ANAPC5: variants seen among roughly 807,000 people sequenced by gnomAD.
ANAPC5 encodes the protein anaphase promoting complex subunit 5.
A neutral mutation model predicts 91.3 loss-of-function variants in ANAPC5; 60 were observed. The observed-to-expected ratio is 0.66, with a 90% CI of 0.53 to 0.81. ANAPC5 has a LOEUF of 0.81. Ranked by LOEUF, ANAPC5 falls within the 40% of genes least tolerant of loss-of-function variation. The pLI, the probability that ANAPC5 is intolerant of heterozygous loss-of-function variation, is 0.00. For synonymous variants in ANAPC5, 340 were observed against 364.1 expected (o/e 0.93, Z 0.75); for missense variants, 690 against 931.5 (o/e 0.74, Z 3.37).
chr12:121,321,236 C>T (rs1902592470), intron 11 of ANAPC5: 1 of 145,422 alleles, frequency 6.9e-6, no homozygotes, highest in Non-Finnish European at 1.5e-5. Flanking sequence ...GCAACAAGAA[C>T]AAAATTCCGT....
chr12:121,309,724 TAGGA>T lies in ANAPC5; in HGVS notation c.2029_2032del (p.Ser677ThrfsTer74). 1 of 1,613,998 alleles carries T rather than the reference TAGGA, an allele frequency of 6.2e-7. No individual in the cohort carries two copies. The highest frequency in any genetic ancestry group is 8.5e-7 in the Non-Finnish European group (1 of 1,179,936). On this transcript the variant is annotated frameshift_variant, in exon 16 of 17. Transcript: ENST00000261819. LOFTEE classifies it high-confidence loss of function. ...ACCTTCTGCTTTCTTCGGCTGATCG[TAGGA>T]AGCTGCTGAAGCCACCTGGCACTTG...
At chr12:121,351,338 AC>A (rs1903884524) in intron 1 of ANAPC5, 1 of 244,940 alleles carries the variant, frequency 4.1e-6, no homozygotes, top group African/African-American at 2.4e-5. Flanking sequence ...ACACTACTGC[AC>A]TCCAGCCTGG....
chr12:121,320,313 G>T, intron 12 of ANAPC5, 72 bp downstream of exon 12: 1 of 1,433,772 alleles, frequency 7.0e-7, no homozygotes, highest in Non-Finnish European at 9.7e-7. Flanking sequence ...GGGAGATTAT[G>T]TCCCACTTTA....
At chr12:121,327,013 C>T (rs541313636) in intron 11 of ANAPC5, 83 bp downstream of exon 11, 2 of 1,487,096 alleles carry the variant, frequency 1.3e-6, no homozygotes, top group Admixed American at 4.5e-5. Flanking sequence ...AACACGTGTC[C>T]AGTGCTTTCC....
chr12:121,347,541 A>C, intron 2 of ANAPC5: 1 of 409,810 alleles, frequency 2.4e-6, no homozygotes. Context: ...TGAGGTGGGA[A>C]GATCACCTGA....
At chr12:121,326,606 A>T (rs1245880685) in intron 11 of ANAPC5, 4 of 152,258 alleles carry the variant, frequency 2.6e-5, no homozygotes, top group African/African-American at 9.7e-5. Context: ...CAGGTGTTGG[A>T]TACAGGATTT....
chr12:121,310,564 A>G (rs542109553), intron 15 of ANAPC5, among the ~76,000 whole-genome samples: 3 of 152,104 alleles, frequency 2.0e-5, no homozygotes, highest in South Asian at 4.2e-4. Context: ...CTTTGTCTCA[A>G]AATAAAACTA....
At chr12:121,329,812 A>G (rs1555272696) in intron 9 of ANAPC5, among the ~76,000 whole-genome samples, 1 of 151,728 alleles carries the variant, frequency 6.6e-6, no homozygotes, top group Non-Finnish European at 1.5e-5. Context: ...AGAGGGTTTC[A>G]CCATGTTGGC....
intron 15 of ANAPC5, 31 bp from the exon 16 acceptor site, chr12:121,309,894 ACC>A: frequency 6.4e-7 from 1 of 1,557,744 alleles, no homozygotes; most frequent in Non-Finnish European, 8.7e-7. Flanking sequence ...CACTGTACAT[ACC>A]CAAACCCACT....
chr12:121,320,600 CT>C, intron 11 of ANAPC5, 141 bp from the exon 12 acceptor site: 1 of 570,636 alleles, frequency 1.8e-6, no homozygotes, highest in Non-Finnish European at 3.0e-6. Flanking sequence ...ACTCAAATTT[CT>C]TTTCTTTCTT....
chr12:121,321,567 T>G (rs1235030650), intron 11 of ANAPC5, among the ~76,000 whole-genome samples: 1 of 148,040 alleles, frequency 6.8e-6, no homozygotes, highest in Admixed American at 6.7e-5. Flanking sequence ...AGTCTTGCTC[T>G]GTCACCCAGG....
chr12:121,335,794 T>G, intron 6 of ANAPC5, 71 bp from the exon 7 acceptor site: 1 of 1,313,622 alleles, frequency 7.6e-7, no homozygotes, highest in Non-Finnish European at 1.1e-6. Context: ...TGCAGAGAGT[T>G]CCACTGTCTA....
chr12:121,330,867 G>A, intron 8 of ANAPC5, 195 bp from the exon 9 acceptor site: 1 of 517,494 alleles, frequency 1.9e-6, no homozygotes, highest in Non-Finnish European at 3.4e-6. Context: ...TGAAATAAAT[G>A]AGTCATTGTT....
chr12:121,353,863 G>A (rs1310833584), upstream of ANAPC5, among the ~76,000 whole-genome samples: 1 of 152,084 alleles, frequency 6.6e-6, no homozygotes, highest in East Asian at 1.9e-4. Context: ...GTTAAAGTAG[G>A]TAATTAGACA....
chr12:121,317,149 C>G (rs1902398919), intron 15 of ANAPC5, among the ~76,000 whole-genome samples: 1 of 151,924 alleles, frequency 6.6e-6, no homozygotes, highest in Non-Finnish European at 1.5e-5. Flanking sequence ...TGAAAATACT[C>G]TGAAATTAGA....
chr12:121,314,288 A>G (rs1902270967), intron 15 of ANAPC5, among the ~76,000 whole-genome samples: 1 of 152,138 alleles, frequency 6.6e-6, no homozygotes, highest in African/African-American at 2.4e-5. Flanking sequence ...GATCCCAGCT[A>G]CTTGGGAAGC....
intron 1 of ANAPC5, among the ~76,000 whole-genome samples, chr12:121,350,404 G>C (rs939039355): frequency 6.6e-6 from 1 of 152,174 alleles, no homozygotes; most frequent in Non-Finnish European, 1.5e-5. Context: ...TCCTCGGGCC[G>C]GGCGCGGTGG....
intron 15 of ANAPC5, among the ~76,000 whole-genome samples, chr12:121,311,769 G>C (rs1350765221): frequency 6.6e-6 from 1 of 152,106 alleles, no homozygotes; most frequent in Non-Finnish European, 1.5e-5. Flanking sequence ...GGCAGTTGAG[G>C]GTGCAGTGAG....
chr12:121,322,690 G>A (rs1593583125), intron 11 of ANAPC5, among the ~76,000 whole-genome samples: 1 of 152,002 alleles, frequency 6.6e-6, no homozygotes, highest in African/African-American at 2.4e-5. Flanking sequence ...TTGGTGCATA[G>A]AGCTTTGCAT....
Sources: allele counts gnomAD v4.1 joint callset (sites outside exome capture counted in the v4.1 genomes callset), GRCh38; gene constraint gnomAD v4.1.1; transcripts MANE v1.5; gene names NCBI Gene and HGNC (gene_info 2026-07-23, HGNC 2026-07-21).